Variants in SLC11A2 observed in about 807,000 individuals in gnomAD.
The protein encoded by SLC11A2 is solute carrier family 11 member 2.
Under a neutral mutation model 68.0 loss-of-function variants are expected in SLC11A2, and 38 were observed. That is an observed-to-expected ratio of 0.56 (90% CI 0.43 to 0.73). The LOEUF (loss-of-function observed/expected upper bound fraction) is 0.73. Among genes scored for constraint, SLC11A2 ranks in the 30% least tolerant of loss-of-function variants. The pLI is 0.00. For missense variants in SLC11A2, 517 were observed against 690.5 expected, an observed-to-expected ratio of 0.75 and a Z score of 2.82; for synonymous variants, 242 against 250.6, an observed-to-expected ratio of 0.97 and a Z score of 0.32.
At chr12:50,985,473 G>A (rs528322119), downstream of SLC11A2, among the ~76,000 whole-genome samples, 1 of 152,280 alleles carries the variant, frequency 6.6e-6, no homozygotes, top group African/African-American at 2.4e-5. Flanking sequence ...TTCCTGTCAT[G>A]TGCCTAGTAA....
Position 50,991,613 on chromosome 12 carries a change from G to A in SLC11A2, c.1407C>T (p.Asp469=). 2.5e-6 allele frequency: 4 copies of A among 1,613,858 alleles called. No homozygotes were observed. Among genetic ancestry groups the A allele is most frequent in the Non-Finnish European group, 3.4e-6 (4 of 1,179,888 alleles). The part of the protein sequence containing the change: ...TFTSLRPVMS[D]FANGLGWRIA... ...AGTACACTCACAGTCCATTGGCAAA[G>A]TCACTCATTACTGGCCGCAAGCTCG... The change falls in exon 14 of 16, where the codon GAC becomes GAT. Residue 469 remains aspartate (D), a synonymous_variant. Transcript: ENST00000262052.
chr12:50,995,882 G>T, intron 9 of SLC11A2, 95 bp from the exon 10 acceptor site: 1 of 1,143,992 alleles, frequency 8.7e-7, no homozygotes. Context: ...AGATTTAGGG[G>T]ACAAAAGTTG....
the SLC11A2 span, among the ~76,000 whole-genome samples, chr12:50,963,160 A>T: frequency 6.6e-6 from 1 of 151,992 alleles, no homozygotes; most frequent in Non-Finnish European, 1.5e-5. Context: ...ACTTGAGGTC[A>T]GGAGTTTGAG....
In SLC11A2 at chr12:50,991,643, T is replaced by C. The variant is rs1374539905; in HGVS notation, c.1377A>G (p.Thr459=). Residue 459 remains threonine (T), a synonymous_variant, in exon 14 of 16, where the codon ACA becomes ACG. Coordinates refer to ENST00000262052, the MANE Select transcript of SLC11A2 (RefSeq NM_000617.3). Reference sequence around the variant, plus strand: ...TCATTACTGGCCGCAAGCTCGTAAATGTGAGGATGGGTATGAGAGCAAAGG... The same window carrying C: ...TCATTACTGGCCGCAAGCTCGTAAACGTGAGGATGGGTATGAGAGCAAAGG... ...QLPFALIPIL[T]FTSLRPVMSD... is the part of the protein sequence containing the mutation. 6.2e-7 allele frequency: 1 copy of C among 1,613,870 alleles called. No individual in the cohort carries two copies. The highest frequency in any genetic ancestry group is 1.7e-5 in the Admixed American group (1 of 59,960).
intron 15 of SLC11A2, among the ~76,000 whole-genome samples, chr12:50,989,252 G>T (rs889859075): frequency 1.3e-5 from 2 of 152,180 alleles, no homozygotes; most frequent in Admixed American, 1.3e-4. Context: ...CACTTCAGGA[G>T]GCTGAGGCAG....
downstream of SLC11A2, chr12:50,979,941 G>A: frequency 2.2e-6 from 1 of 454,080 alleles, no homozygotes; most frequent in Non-Finnish European, 4.4e-6. Flanking sequence ...GAAATGAGGA[G>A]TGAGCTGGAT....
At chr12:51,028,517 GCAGGAGC>G, upstream of SLC11A2, 1 of 327,490 alleles carries the variant, frequency 3.1e-6, no homozygotes, top group Non-Finnish European at 5.5e-6. Context: ...GTACCATTTG[GCAGGAGC>G]AAGAGTAGGT....
intron 5 of SLC11A2, among the ~76,000 whole-genome samples, chr12:51,002,759 G>C (rs1220641117): frequency 6.6e-6 from 1 of 150,568 alleles, no homozygotes; most frequent in Admixed American, 6.7e-5. Flanking sequence ...GGCCAACATA[G>C]TGAAACCTCA....
upstream of SLC11A2, chr12:51,028,404 T>A (rs1944469678): frequency 2.0e-6 from 1 of 510,326 alleles, no homozygotes; most frequent in African/African-American, 1.9e-5. Flanking sequence ...TCAGATTTCA[T>A]CTTTGACCTG....
chr12:51,009,295 C>A, intron 2 of SLC11A2: 2 of 1,290,286 alleles, frequency 1.6e-6, no homozygotes, highest in Non-Finnish European at 9.8e-7. Context: ...GGTACTGGCA[C>A]CCTCGTGATG....
At chr12:50,964,353 A>T in the SLC11A2 span, among the ~76,000 whole-genome samples, 1 of 152,198 alleles carries the variant, frequency 6.6e-6, no homozygotes, top group Non-Finnish European at 1.5e-5. Context: ...GGTGACCCAA[A>T]CCTTCATTCC....
the SLC11A2 span, among the ~76,000 whole-genome samples, chr12:50,968,455 C>T: frequency 2.0e-5 from 3 of 151,994 alleles, no homozygotes; most frequent in African/African-American, 7.2e-5. Flanking sequence ...GGCGTGATCA[C>T]GGTTCACAGC....
chr12:51,001,585 C>T (rs987887567), intron 5 of SLC11A2, among the ~76,000 whole-genome samples: 2 of 109,194 alleles, frequency 1.8e-5, no homozygotes, highest in East Asian at 4.4e-4. Flanking sequence ...CTTGCTTTCA[C>T]AAAAAAAAAA....
At chr12:51,026,623 T>C (rs2136451585), upstream of SLC11A2, among the ~76,000 whole-genome samples, 1 of 152,104 alleles carries the variant, frequency 6.6e-6, no homozygotes, top group African/African-American at 2.4e-5. Flanking sequence ...GCCCCTGGAC[T>C]GGGGAGCTCC....
chr12:50,980,571 A>G (rs1939967306), downstream of SLC11A2: 1 of 110,872 alleles, frequency 9.0e-6, no homozygotes, highest in Non-Finnish European at 2.2e-5. Context: ...AGGTGGGTGA[A>G]AAAAAAAATC....
chr12:51,023,088 T>G (rs897743584), intron 1 of SLC11A2, among the ~76,000 whole-genome samples: 1 of 152,250 alleles, frequency 6.6e-6, no homozygotes, highest in African/African-American at 2.4e-5. Context: ...TGAAGGCTCT[T>G]CTTTGTGTCT....
At chr12:50,997,745 T>C (rs1941843581) in intron 8 of SLC11A2, among the ~76,000 whole-genome samples, 1 of 148,274 alleles carries the variant, frequency 6.7e-6, no homozygotes, top group South Asian at 2.1e-4. Flanking sequence ...CCTAGCACTT[T>C]AGCAGGTCAA....
At position 50,985,993 on chromosome 12, in the gene SLC11A2, T is replaced by C. The variant is rs575495762; in HGVS notation, c.*2332A>G. On this transcript the variant is annotated 3_prime_UTR_variant, in exon 16 of 16. Transcript: ENST00000262052. ...TAAAAAAATACCCAGGAAACCAAAT[T>C]GGAAAAAGAAATTTTTTTTTAATTA... 1 of 1,150,074 alleles carries C rather than the reference T, an allele frequency of 8.7e-7. No individual in the cohort carries two copies. Among genetic ancestry groups the C allele is most frequent in the Admixed American group, 4.3e-5 (1 of 23,524 alleles). The allele number at this position is 1,150,074 out of a possible 1,614,324, so 71.2% of individuals were successfully genotyped here. A position where few individuals can be genotyped will look rare whatever the true frequency, so the allele number is the denominator to read the frequency against.
At chr12:50,999,069 A>T in intron 8 of SLC11A2, 105 bp downstream of exon 8, 2 of 978,462 alleles carry the variant, frequency 2.0e-6, no homozygotes, top group Non-Finnish European at 3.1e-6. Flanking sequence ...CACCCACTAT[A>T]AGTGAATCAT....
Sources: allele counts gnomAD v4.1 joint callset (sites outside exome capture counted in the v4.1 genomes callset), GRCh38; gene constraint gnomAD v4.1.1; transcripts MANE v1.5; gene names NCBI Gene and HGNC (gene_info 2026-07-23, HGNC 2026-07-21).